OPRM1: variants seen among roughly 807,000 people sequenced by gnomAD.
OPRM1 encodes mu-type opioid receptor.
OPRM1 carries 27 observed loss-of-function variants against 31.8 expected under a neutral mutation model. The ratio of observed to expected loss-of-function variants is 0.85; its 90% CI spans 0.63 to 1.17. The LOEUF is 1.17. Ranked by LOEUF, OPRM1 falls within the 50% of genes most tolerant of loss-of-function variation. The pLI is 0.00. For synonymous variants in OPRM1, 196 were observed against 189.9 expected, an observed-to-expected ratio of 1.03 and a Z score of -0.26; for missense variants, 536 against 511.1, an observed-to-expected ratio of 1.05 and a Z score of -0.47.
At chr6:154,178,255 T>C (rs1800528481) in intron 3 of OPRM1, among the ~76,000 whole-genome samples, 1 of 152,120 alleles carries the variant, frequency 6.6e-6, no homozygotes, top group African/African-American at 2.4e-5. Context: ...AACCTGCACG[T>C]TGTGCACAAG....
At chr6:154,057,363 C>A (rs1169807386) in intron 1 of OPRM1, among the ~76,000 whole-genome samples, 1 of 152,120 alleles carries the variant, frequency 6.6e-6, no homozygotes, top group South Asian at 2.1e-4. Flanking sequence ...ACAATTTTAC[C>A]AGTTAATAAA....
chr6:154,032,975 G>A (rs1779095975), intron 1 of OPRM1, among the ~76,000 whole-genome samples: 2 of 152,348 alleles, frequency 1.3e-5, no homozygotes. Flanking sequence ...CAGAGCTAGA[G>A]ATGTAGGTTG....
At chr6:154,204,179 A>G (rs1436204745) in intron 3 of OPRM1, among the ~76,000 whole-genome samples, 3 of 152,216 alleles carry the variant, frequency 2.0e-5, no homozygotes, top group Non-Finnish European at 4.4e-5. Flanking sequence ...TCTGTATAGG[A>G]TAGTTTTAAT....
At chr6:154,206,843 G>A (rs114885141) in intron 3 of OPRM1, among the ~76,000 whole-genome samples, 1,954 of 152,356 alleles carry the variant, frequency 0.013, 45 homozygotes, top group African/African-American at 0.044. Flanking sequence ...CGCTTTTGGG[G>A]AACAGCAGGC....
Position 154,118,869 on chromosome 6 carries a change from C to A in OPRM1, c.*148C>A. 2 of 1,482,560 alleles carry A rather than the reference C, an allele frequency of 1.3e-6. No homozygotes were observed. Among genetic ancestry groups the A allele is most frequent in the Non-Finnish European group, 1.8e-6 (2 of 1,124,674 alleles). 91.8% of individuals were successfully genotyped at this position (1,482,560 alleles called of 1,614,324 possible). ...CCAACCTCTTTCCTCTCTGGCCACT[C>A]TGCTCTGCACATTAGAGGGACAGCC... On this transcript the variant is annotated 3_prime_UTR_variant, in exon 4 of 4. Coordinates refer to ENST00000330432, the MANE Select transcript of OPRM1 (RefSeq NM_000914.5).
Position 154,039,529 on chromosome 6 carries a change from C to A in OPRM1, c.-16C>A. The A allele has an allele frequency of 6.2e-7, 1 of 1,601,996 alleles. No individual in the cohort carries two copies. Among genetic ancestry groups the A allele is most frequent in the Non-Finnish European group, 8.5e-7 (1 of 1,174,556 alleles). On this transcript the variant is annotated 5_prime_UTR_variant, in exon 1 of 4. Transcript: ENST00000330432. The stretch of plus-strand genomic sequence containing the variant: ...TGGCTACCTCGCACAGCGGTGCCCG[C>A]CCGGCCGTCAGTACCATGGACAGCA...
rs369307317 is a variant in OPRM1, at chr6:154,041,849, G to T, written c.290+2015G>T. On this transcript the variant is annotated intron_variant, in intron 1 of 3. Transcript: ENST00000330432. Reference sequence around the variant, plus strand: ...ATTTTATTCCCTTTTATTGCTTCTTGATATTTTCCTTCCTCATTTTTCTAC... The same window carrying T: ...ATTTTATTCCCTTTTATTGCTTCTTTATATTTTCCTTCCTCATTTTTCTAC... 1.1e-4 allele frequency among the ~76,000 whole-genome samples: 16 copies of T among 152,124 alleles called. No homozygotes were observed. In the East Asian group the frequency reaches 1.2e-3, roughly 11 times the overall value.
intron 3 of OPRM1, among the ~76,000 whole-genome samples, chr6:154,143,717 A>G (rs1156248265): frequency 6.6e-6 from 1 of 152,210 alleles, no homozygotes; most frequent in Non-Finnish European, 1.5e-5. Context: ...GATTAATCTC[A>G]CTTTAAAAGG....
chr6:154,239,789 C>T (rs191364821), intron 3 of OPRM1, among the ~76,000 whole-genome samples: 3 of 152,284 alleles, frequency 2.0e-5, no homozygotes, highest in African/African-American at 2.4e-5. Flanking sequence ...CTGCAACCTC[C>T]GCCTCCCATG....
intron 3 of OPRM1, among the ~76,000 whole-genome samples, chr6:154,162,707 A>G (rs1399945441): frequency 3.5e-5 from 5 of 144,808 alleles, no homozygotes; most frequent in Admixed American, 1.4e-4. Context: ...TGCTCTATCT[A>G]TGTTCATGCT....
intron 3 of OPRM1, among the ~76,000 whole-genome samples, chr6:154,229,465 T>C (rs1779548466): frequency 6.7e-6 from 1 of 148,904 alleles, no homozygotes; most frequent in Non-Finnish European, 1.5e-5. Context: ...TTCTCCCGCC[T>C]CAGCCTCCCG....
At position 154,141,027 on chromosome 6, in the gene OPRM1, A is replaced by G. The variant is rs142036771; in HGVS notation, c.1164+49555A>G. Among the ~76,000 whole-genome samples the G allele has an allele frequency of 3.5e-3, 532 of 152,336 alleles. 2 individuals carry two copies. Among genetic ancestry groups the G allele is most frequent in the Non-Finnish European group, 5.1e-3 (349 of 68,032 alleles). ...GTCATGGAGCCAAGGCAAAACCAGA[A>G]TGTTCACTCCTTGGTGGTCTCATGG... On this transcript the variant is annotated intron_variant, in intron 3 of 3. Coordinates refer to the OPRM1 transcript ENST00000337049.
At position 154,047,438 on chromosome 6, in the gene OPRM1, T is replaced by TTCTCTCTCTCTCTC. The variant is rs61704475; in HGVS notation, c.290+7620_290+7633dup. ...TGGCAAAGGTGGAGCGTGGGCAAAA[T>TTCTCTCTCTCTCTC]TCTCTCTCTCTCTCTCTCTCTCTCT... On this transcript the variant is annotated intron_variant, in intron 1 of 3. Transcript: ENST00000330432. Among the ~76,000 whole-genome samples, 3 of 146,580 alleles carry TTCTCTCTCTCTCTC rather than the reference T, an allele frequency of 2.0e-5. No homozygotes were observed. In the East Asian group the frequency reaches 6.0e-4, roughly 30 times the overall value.
intron 1 of OPRM1, among the ~76,000 whole-genome samples, chr6:154,019,747 C>CTTTTCTTTTTTTT (rs61209522): frequency 3.2e-4 from 39 of 121,994 alleles, no homozygotes; most frequent in East Asian, 9.3e-4. Context: ...CTTTTCTTTT[C>CTTTTCTTTTTTTT]TTTTTTTTTT....
At chr6:154,227,662 G>C (rs940336607) in intron 3 of OPRM1, among the ~76,000 whole-genome samples, 1 of 151,730 alleles carries the variant, frequency 6.6e-6, no homozygotes, top group South Asian at 2.1e-4. Flanking sequence ...GGCTGTCATG[G>C]GTTGTGATCA....
intron 1 of OPRM1, among the ~76,000 whole-genome samples, chr6:154,081,822 G>A (rs1453154125): frequency 1.3e-5 from 2 of 152,172 alleles, no homozygotes; most frequent in Non-Finnish European, 2.9e-5. Flanking sequence ...GGAGTCTAGA[G>A]AAATGGGAGA....
chr6:154,197,909 A>T (rs1776748202), intron 3 of OPRM1, among the ~76,000 whole-genome samples: 1 of 152,172 alleles, frequency 6.6e-6, no homozygotes, highest in Non-Finnish European at 1.5e-5. Context: ...AAAATAATAG[A>T]TGTAGTACTT....
At chr6:154,080,067 G>A (rs1408045873) in intron 1 of OPRM1, among the ~76,000 whole-genome samples, 1 of 152,016 alleles carries the variant, frequency 6.6e-6, no homozygotes, top group South Asian at 2.1e-4. Context: ...TATTTTTATT[G>A]ATATTTTACA....
chr6:154,073,080 A>G (rs751183618), intron 1 of OPRM1, among the ~76,000 whole-genome samples: 1 of 152,176 alleles, frequency 6.6e-6, no homozygotes, highest in Non-Finnish European at 1.5e-5. Flanking sequence ...CAAAGCAGAG[A>G]AATGGTGGAT....
Sources: gnomAD v4.1 joint callset for allele counts (sites outside exome capture counted in the v4.1 genomes callset) on GRCh38, gnomAD v4.1.1 for gene constraint, MANE v1.5 for transcripts, NCBI Gene and HGNC (gene_info 2026-07-23, HGNC 2026-07-21) for gene names.